Variants in COL17A1 observed in about 807,000 individuals in gnomAD.
The protein encoded by COL17A1 is collagen alpha-1(XVII) chain.
In COL17A1, 181 loss-of-function variants were observed where a neutral mutation model predicts 218.4. The ratio of observed to expected loss-of-function variants is 0.83; its 90% CI spans 0.73 to 0.94. The LOEUF (loss-of-function observed/expected upper bound fraction) is 0.94, where lower values mean the gene tolerates loss of function less well. Ranked by LOEUF, COL17A1 falls within the 40% of genes least tolerant of loss-of-function variation. COL17A1 has a pLI of 0.00. For synonymous variants in COL17A1, 721 were observed against 731.0 expected, an observed-to-expected ratio of 0.99 and a Z score of 0.22; for missense variants, 1,924 against 1,945.9, an observed-to-expected ratio of 0.99 and a Z score of 0.21.
rs202215074 is a variant in COL17A1, at chr10:104,038,558, G to A, written c.2948-30C>T. ...AGCAAAGAGAAAGCGTCCTGTGTCG[G>A]TTTCTCCACCCTAGGGTCAGACAAA... is the stretch of plus-strand genomic sequence containing the variant. On this transcript the variant is annotated intron_variant, in intron 44 of 55. Coordinates refer to ENST00000648076, the MANE Select transcript of COL17A1 (RefSeq NM_000494.4). 12 of 1,606,234 alleles carry A rather than the reference G, an allele frequency of 7.5e-6. No individual in the cohort carries two copies. In the Admixed American group the frequency reaches 2.0e-4, roughly 27 times the overall value.
chr10:104,034,699 C>T lies in COL17A1; in HGVS notation c.3688G>A (p.Gly1230Ser), dbSNP rs2086257716. The change falls in exon 51 of 56, where the codon GGT becomes AGT. Residue 1230 changes from glycine (G) to serine (S), a missense_variant. Coordinates refer to ENST00000648076, the MANE Select transcript of COL17A1 (RefSeq NM_000494.4). ...TAGGTTGCCAGGGCTCCTGAGACACCCGGGGGCCCTCGAGGCCCTGGGGGA... is the reference window on the plus strand; with the variant it reads ...TAGGTTGCCAGGGCTCCTGAGACACTCGGGGGCCCTCGAGGCCCTGGGGGA... ...PGPPGPRGPP[G>S]VSGALATYAA... 1 of 1,610,730 alleles carries T rather than the reference C, an allele frequency of 6.2e-7. No homozygotes were observed. Among genetic ancestry groups the T allele is most frequent in the African/African-American group, 1.3e-5 (1 of 74,870 alleles).
chr10:104,076,849 TTTTTG>T (rs1263275712), intron 4 of COL17A1, among the ~76,000 whole-genome samples: 1 of 152,182 alleles, frequency 6.6e-6, no homozygotes, highest in Non-Finnish European at 1.5e-5. Flanking sequence ...GTGCTTCTTG[TTTTTG>T]TTTTGTTTTT....
intron 9 of COL17A1, among the ~76,000 whole-genome samples, chr10:104,065,138 G>A (rs1035500973): frequency 6.6e-6 from 1 of 152,184 alleles, no homozygotes; most frequent in African/African-American, 2.4e-5. Context: ...CTATGTACCA[G>A]CCAGACACTG....
At chr10:104,067,417 C>T (rs754036266) in intron 9 of COL17A1, among the ~76,000 whole-genome samples, 12 of 149,144 alleles carry the variant, frequency 8.0e-5, no homozygotes, top group Non-Finnish European at 1.6e-4. Context: ...AATTTTATGA[C>T]TAAAAGCTGG....
intron 41 of COL17A1, 109 bp downstream of exon 41, chr10:104,039,864 T>G (rs980448299): frequency 2.7e-6 from 4 of 1,478,920 alleles, no homozygotes; most frequent in African/African-American, 2.8e-5. Context: ...GCTCTACTCT[T>G]GCTTATTTGC....
chr10:104,065,700 G>A (rs923998447), intron 9 of COL17A1, among the ~76,000 whole-genome samples: 1 of 152,210 alleles, frequency 6.6e-6, no homozygotes, highest in Non-Finnish European at 1.5e-5. Context: ...ATTTAGGGCT[G>A]GGCTATGCAT....
intron 27 of COL17A1, among the ~76,000 whole-genome samples, chr10:104,050,358 G>T (rs2086456712): frequency 6.6e-6 from 1 of 152,054 alleles, no homozygotes; most frequent in South Asian, 2.1e-4. Flanking sequence ...TGCACAAATT[G>T]GTGCCATGGA....
Position 104,041,350 on chromosome 10 carries a change from G to A in COL17A1, c.2606-6C>T, listed in dbSNP as rs749773839. On this transcript the variant is annotated splice_region_variant and splice_polypyrimidine_tract_variant and intron_variant, in intron 37 of 55. Transcript: ENST00000648076. ...TGGGCCTGGAATGGAAGGCCCTGCA[G>A]AAGAGAGCAAGGAAGAGGCCATGCT... 2.2e-5 allele frequency: 35 copies of A among 1,610,872 alleles called. No homozygotes were observed. The South Asian group carries it at 2.8e-4, about 13-fold the overall frequency.
chr10:104,036,710 T>C, intron 47 of COL17A1, 78 bp from the exon 48 acceptor site: 3 of 1,553,084 alleles, frequency 1.9e-6, no homozygotes, highest in Non-Finnish European at 1.8e-6. Flanking sequence ...CAGCCTGGGC[T>C]CCCCTGCACA....
At chr10:104,055,727 T>A (rs1421429854) in intron 18 of COL17A1, 55 bp downstream of exon 18, 27 of 1,606,020 alleles carry the variant, frequency 1.7e-5, no homozygotes, top group Non-Finnish European at 2.2e-5. Flanking sequence ...ACCACATAGA[T>A]GCAAAGAAGA....
chr10:104,057,421 G>A (rs1272981281), intron 16 of COL17A1, among the ~76,000 whole-genome samples: 1 of 15,340 alleles, frequency 6.5e-5, no homozygotes, highest in Non-Finnish European at 8.4e-4. Flanking sequence ...CTTTGTTTCC[G>A]TTTTTATAAC....
Position 104,032,054 on chromosome 10 carries a change from A to ATCTT in COL17A1, c.*177_*180dup. 1 of 635,924 alleles carries ATCTT rather than the reference A, an allele frequency of 1.6e-6. No individual in the cohort carries two copies. Among genetic ancestry groups the ATCTT allele is most frequent in the East Asian group, 2.7e-5 (1 of 36,630 alleles). 39.4% of individuals were successfully genotyped at this position (635,924 alleles called of 1,614,324 possible). ...CCCATGAAGCTGTTTCAGATTGTGT[A>ATCTT]TCTTTGACTGAATTCTATAAGTATA... is the stretch of plus-strand genomic sequence containing the variant. On this transcript the variant is annotated 3_prime_UTR_variant, in exon 56 of 56. Transcript: ENST00000648076.
chr10:104,048,448 C>T (rs2086435523), intron 29 of COL17A1, among the ~76,000 whole-genome samples: 1 of 152,200 alleles, frequency 6.6e-6, no homozygotes, highest in South Asian at 2.1e-4. Context: ...AACCTCTCTC[C>T]AAAATGGTGG....
At position 104,031,667 on chromosome 10, in the gene COL17A1, C is replaced by A; in HGVS notation, c.*568G>T. 1 of 161,014 alleles carries A rather than the reference C, an allele frequency of 6.2e-6. No individual in the cohort carries two copies. Among genetic ancestry groups the A allele is most frequent in the Admixed American group, 5.7e-5 (1 of 17,428 alleles). 10.0% of individuals were successfully genotyped at this position (161,014 alleles called of 1,614,324 possible). A position where few individuals can be genotyped will look rare whatever the true frequency, so the allele number is the denominator to read the frequency against. On this transcript the variant is annotated 3_prime_UTR_variant, in exon 56 of 56. Coordinates refer to ENST00000648076, the MANE Select transcript of COL17A1 (RefSeq NM_000494.4). ...TGATATACATATAACCATTAGAAAC[C>A]CTATCATCACCTCCTAGAGGGGAAG...
chr10:104,056,060 C>T (rs1026578221), intron 17 of COL17A1, 57 bp from the exon 18 acceptor site: 1 of 1,595,814 alleles, frequency 6.3e-7, no homozygotes, highest in Non-Finnish European at 8.6e-7. Flanking sequence ...GCCTTCCATA[C>T]ACTCGCTCCT....
intron 24 of COL17A1, 55 bp from the exon 25 acceptor site, chr10:104,051,571 T>C: frequency 6.2e-7 from 1 of 1,609,128 alleles, no homozygotes; most frequent in South Asian, 1.1e-5. Flanking sequence ...GGTGGGGACA[T>C]CTGGCCCCGG....
At chr10:104,043,969 T>G in intron 33 of COL17A1, 109 bp from the exon 34 acceptor site, 1 of 1,196,886 alleles carries the variant, frequency 8.4e-7, no homozygotes, top group South Asian at 1.2e-5. Context: ...TCTGGGCCTC[T>G]CACCATCAGG....
intron 9 of COL17A1, among the ~76,000 whole-genome samples, chr10:104,066,150 A>T (rs1381493411): frequency 6.6e-6 from 1 of 152,182 alleles, no homozygotes; most frequent in Non-Finnish European, 1.5e-5. Flanking sequence ...TTAGGTCATA[A>T]GTCAAATACT....
At chr10:104,050,547 C>T (rs964298121) in intron 27 of COL17A1, 74 bp downstream of exon 27, 87 of 1,608,616 alleles carry the variant, frequency 5.4e-5, no homozygotes, top group Non-Finnish European at 7.3e-5. Flanking sequence ...TCAGACCCTA[C>T]AGTGAGGGTC....
Sources: gnomAD v4.1 joint callset for allele counts (sites outside exome capture counted in the v4.1 genomes callset) on GRCh38, gnomAD v4.1.1 for gene constraint, MANE v1.5 for transcripts, NCBI Gene and HGNC (gene_info 2026-07-23, HGNC 2026-07-21) for gene names.